Variants in PPP2R2B observed in about 807,000 individuals in gnomAD.
PPP2R2B encodes the protein serine/threonine-protein phosphatase 2A 55 kDa regulatory subunit B beta isoform.
Under a neutral mutation model 46.0 loss-of-function variants are expected in PPP2R2B, and 5 were observed. The ratio of observed to expected loss-of-function variants is 0.11; its 90% CI spans 0.06 to 0.23. PPP2R2B has a LOEUF of 0.23. Ranked by LOEUF, PPP2R2B falls within the 10% of genes least tolerant of loss-of-function variation. The probability of loss-of-function intolerance (pLI) is 1.00; values close to 1 mark genes in which losing one functional copy is unlikely to be tolerated. For missense variants in PPP2R2B, 367 were observed against 575.0 expected, an observed-to-expected ratio of 0.64 and a Z score of 3.70; for synonymous variants, 215 against 206.7, an observed-to-expected ratio of 1.04 and a Z score of -0.34.
At chr5:146,605,211 T>C (rs546665513) in intron 7 of PPP2R2B, among the ~76,000 whole-genome samples, 2 of 152,324 alleles carry the variant, frequency 1.3e-5, no homozygotes, top group African/African-American at 4.8e-5. Context: ...GAATTTGAAC[T>C]CAGTATACTT....
chr5:146,581,457 C>T lies in PPP2R2B; in HGVS notation c.*8490G>A, dbSNP rs1030870663. On this transcript the variant is annotated 3_prime_UTR_variant, in exon 10 of 10. Transcript: ENST00000394411. The stretch of plus-strand genomic sequence containing the variant: ...AATCACCTCCCACCTGGCCCCACCT[C>T]AAACACTGGGGATTACAATTTGACA... The T allele has an allele frequency of 2.0e-5, 3 of 152,206 alleles. No individual in the cohort carries two copies. Among genetic ancestry groups the T allele is most frequent in the African/African-American group, 7.2e-5 (3 of 41,442 alleles). 9.4% of individuals were successfully genotyped at this position (152,206 alleles called of 1,614,324 possible). A position where few individuals can be genotyped will look rare whatever the true frequency, so the allele number is the denominator to read the frequency against.
intron 2 of PPP2R2B, among the ~76,000 whole-genome samples, chr5:146,717,544 A>G (rs1561855039): frequency 6.6e-6 from 1 of 152,256 alleles, no homozygotes; most frequent in Non-Finnish European, 1.5e-5. Context: ...GAACCAAACC[A>G]TTAAGCACTG....
At chr5:146,740,573 TCACACACACACACACACACACA>T (rs3995489) in intron 2 of PPP2R2B, among the ~76,000 whole-genome samples, 28 of 138,110 alleles carry the variant, frequency 2.0e-4, no homozygotes, top group South Asian at 7.9e-4. Context: ...TAAAATGAGA[TCACACACACACACACACACACA>T]CACACACACA....
chr5:146,648,245 A>G (rs1200092131), intron 6 of PPP2R2B, among the ~76,000 whole-genome samples: 1 of 152,164 alleles, frequency 6.6e-6, no homozygotes, highest in African/African-American at 2.4e-5. Context: ...TGCTATAAAC[A>G]TGGTAACATT....
At chr5:146,966,827 G>C (rs1198142374) in intron 1 of PPP2R2B, among the ~76,000 whole-genome samples, 1 of 152,104 alleles carries the variant, frequency 6.6e-6, no homozygotes, top group African/African-American at 2.4e-5. Flanking sequence ...ACAGAGCTAA[G>C]GTCTGTACAT....
At chr5:147,078,261 G>T (rs1268710281) in intron 2 of PPP2R2B, among the ~76,000 whole-genome samples, 1 of 152,198 alleles carries the variant, frequency 6.6e-6, no homozygotes, top group Non-Finnish European at 1.5e-5. Context: ...TGACGCCAAT[G>T]CTGTATCTGT....
chr5:146,816,269 G>A (rs1306453538), intron 2 of PPP2R2B, among the ~76,000 whole-genome samples: 1 of 152,080 alleles, frequency 6.6e-6, no homozygotes, highest in Non-Finnish European at 1.5e-5. Context: ...GCTGGGCATG[G>A]CAGCACAAGC....
At chr5:146,695,680 G>A (rs2151159763) in intron 4 of PPP2R2B, among the ~76,000 whole-genome samples, 1 of 152,288 alleles carries the variant, frequency 6.6e-6, no homozygotes, top group East Asian at 1.9e-4. Flanking sequence ...TAAGGAACAT[G>A]TGGCTGTTAA....
intron 2 of PPP2R2B, among the ~76,000 whole-genome samples, chr5:147,068,493 A>G (rs1281654501): frequency 3.3e-5 from 5 of 152,230 alleles, no homozygotes; most frequent in African/African-American, 2.4e-5. Flanking sequence ...GTTTTTAAAC[A>G]GTAATATCTG....
rs554011540 is a variant in PPP2R2B at position 146,676,618 on chromosome 5, C to T, written c.447+14510G>A. Among the ~76,000 whole-genome samples the T allele has an allele frequency of 2.6e-5, 4 of 152,300 alleles. No individual in the cohort carries two copies. The South Asian group carries it at 8.3e-4, about 32-fold the overall frequency. On this transcript the variant is annotated intron_variant, in intron 5 of 9. Coordinates refer to ENST00000394411, the MANE Select transcript of PPP2R2B (RefSeq NM_181675.4). ...CAAATTCTCCCCATCATCTGCTCTCCTGTACACCATTCACCTTTCCTCTAG... is the reference window on the plus strand; with the variant it reads ...CAAATTCTCCCCATCATCTGCTCTCTTGTACACCATTCACCTTTCCTCTAG...
At chr5:146,694,551 C>T (rs966496122) in intron 4 of PPP2R2B, among the ~76,000 whole-genome samples, 1 of 152,078 alleles carries the variant, frequency 6.6e-6, no homozygotes, top group African/African-American at 2.4e-5. Context: ...ATAAAAATCA[C>T]CTACAACCTC....
At chr5:146,594,226 GCAGCCAGCATGGTTATCAACTAA>G (rs1357154070) in intron 8 of PPP2R2B, among the ~76,000 whole-genome samples, 1 of 152,198 alleles carries the variant, frequency 6.6e-6, no homozygotes, top group Admixed American at 6.5e-5. Flanking sequence ...TCCAGTGAAA[GCAGCCAGCATGGTTATCAACTAA>G]GAGTGAGCAG....
chr5:147,041,306 A>G (rs569719821), intron 1 of PPP2R2B, among the ~76,000 whole-genome samples: 2 of 152,124 alleles, frequency 1.3e-5, no homozygotes, highest in South Asian at 4.1e-4. Context: ...CATCTAGAAA[A>G]TAGCTCTGTT....
intron 9 of PPP2R2B, among the ~76,000 whole-genome samples, chr5:146,591,315 C>T (rs1017798052): frequency 2.0e-5 from 3 of 152,178 alleles, no homozygotes; most frequent in Non-Finnish European, 4.4e-5. Context: ...GGCACGTTGT[C>T]ACCTGTACCA....
intron 2 of PPP2R2B, among the ~76,000 whole-genome samples, chr5:147,069,468 G>A (rs929032005): frequency 7.2e-5 from 11 of 152,012 alleles, no homozygotes; most frequent in African/African-American, 2.7e-4. Context: ...TATTTACCAT[G>A]GCTTGCAAGC....
intron 5 of PPP2R2B, among the ~76,000 whole-genome samples, chr5:146,678,208 T>A (rs1431872030): frequency 6.6e-6 from 1 of 152,062 alleles, no homozygotes; most frequent in Non-Finnish European, 1.5e-5. Flanking sequence ...TCAAGTGGGC[T>A]TCATCCCTGG....
chr5:147,079,781 C>G (rs1384160947), intron 2 of PPP2R2B, among the ~76,000 whole-genome samples: 1 of 151,954 alleles, frequency 6.6e-6, no homozygotes, highest in Non-Finnish European at 1.5e-5. Context: ...AGTAGGGTGA[C>G]TATGGTTAAC....
intron 5 of PPP2R2B, among the ~76,000 whole-genome samples, chr5:146,653,938 C>A (rs1254514518): frequency 1.3e-5 from 2 of 152,102 alleles, no homozygotes; most frequent in African/African-American, 4.8e-5. Context: ...ACTCCCCTCA[C>A]AAGGAGAAAG....
intron 7 of PPP2R2B, among the ~76,000 whole-genome samples, chr5:146,602,303 C>T (rs749964736): frequency 4.6e-5 from 7 of 152,090 alleles, no homozygotes; most frequent in Admixed American, 2.0e-4. Flanking sequence ...GTCTTATTTT[C>T]GTATTCAGAG....
Sources: allele counts gnomAD v4.1 joint callset (sites outside exome capture counted in the v4.1 genomes callset), GRCh38; gene constraint gnomAD v4.1.1; transcripts MANE v1.5; gene names NCBI Gene and HGNC (gene_info 2026-07-23, HGNC 2026-07-21).